The following NSMCE2 variants were observed in gnomAD, a reference collection of about 807,000 sequenced individuals.
NSMCE2 encodes NSE2 SUMO ligase component of SMC5/6 complex.
A neutral mutation model predicts 23.8 loss-of-function variants in NSMCE2; 24 were observed. The ratio of observed to expected loss-of-function variants is 1.01; its 90% CI spans 0.73 to 1.42. The LOEUF (loss-of-function observed/expected upper bound fraction) is 1.42, where lower values mean the gene tolerates loss of function less well. Among genes scored for constraint, NSMCE2 ranks in the 40% most tolerant of loss-of-function variants. The pLI is 0.00. For missense variants in NSMCE2, 284 were observed against 296.5 expected (o/e 0.96, Z 0.31); for synonymous variants, 92 against 94.1 (o/e 0.98, Z 0.13).
intron 5 of NSMCE2, among the ~76,000 whole-genome samples, chr8:125,258,643 AT>A (rs1826544807): frequency 6.6e-6 from 1 of 152,194 alleles, no homozygotes; most frequent in Admixed American, 6.5e-5. Flanking sequence ...AGAAAGTAAA[AT>A]AATAGGAAAG....
chr8:125,348,403 G>A (rs1812873748), intron 5 of NSMCE2: 1 of 152,220 alleles, frequency 6.6e-6, no homozygotes, highest in Non-Finnish European at 1.5e-5. Flanking sequence ...TCATTGTGTA[G>A]GTGCTATTTG....
chr8:125,298,279 G>A (rs558023360), intron 5 of NSMCE2, among the ~76,000 whole-genome samples: 2 of 152,210 alleles, frequency 1.3e-5, no homozygotes, highest in African/African-American at 4.8e-5. Context: ...AAATAAAATA[G>A]TGCTGACTAC....
At chr8:125,211,575 G>A (rs1824347969) in intron 5 of NSMCE2, among the ~76,000 whole-genome samples, 1 of 152,206 alleles carries the variant, frequency 6.6e-6, no homozygotes, top group South Asian at 2.1e-4. Context: ...GTCCACACAA[G>A]TAGGCCTGTA....
chr8:125,176,023 T>G (rs768257135), intron 4 of NSMCE2, among the ~76,000 whole-genome samples: 1 of 152,208 alleles, frequency 6.6e-6, no homozygotes, highest in Non-Finnish European at 1.5e-5. Flanking sequence ...TACCTTCTCC[T>G]TGCTGACATA....
chr8:125,274,065 C>T (rs774603301), intron 5 of NSMCE2, among the ~76,000 whole-genome samples: 19 of 152,138 alleles, frequency 1.2e-4, no homozygotes, highest in South Asian at 2.1e-4. Context: ...ATGATGTCAT[C>T]CTCAGAGGAC....
chr8:125,159,214 A>C (rs1273775401), intron 4 of NSMCE2, among the ~76,000 whole-genome samples: 1 of 152,204 alleles, frequency 6.6e-6, no homozygotes, highest in African/African-American at 2.4e-5. Flanking sequence ...AGTTATTGTT[A>C]ATCTCTTGCT....
intron 5 of NSMCE2, among the ~76,000 whole-genome samples, chr8:125,334,106 C>G (rs1437449501): frequency 1.3e-5 from 2 of 152,098 alleles, no homozygotes; most frequent in Admixed American, 6.5e-5. Context: ...CCTTAAAGGG[C>G]CATTGTGAGG....
At position 125,315,385 on chromosome 8, in the gene NSMCE2, G is replaced by A. The variant is rs150654394; in HGVS notation, c.419-41834G>A. ...GTGAAATGAGGTGCACTGTAGCACA[G>A]TGAGGGGCTGAGTTTTGAGTCAGAC... is the stretch of plus-strand genomic sequence containing the variant. On this transcript the variant is annotated intron_variant, in intron 5 of 7. Transcript: ENST00000287437. Among the ~76,000 whole-genome samples the A allele has an allele frequency of 7.5e-4, 115 of 152,326 alleles. No individual in the cohort carries two copies. The Middle Eastern group carries it at 0.01, about 14-fold the overall frequency.
chr8:125,311,762 G>T (rs540945274), intron 5 of NSMCE2, among the ~76,000 whole-genome samples: 1 of 152,166 alleles, frequency 6.6e-6, no homozygotes, highest in African/African-American at 2.4e-5. Context: ...TGGTGAAATA[G>T]AATCAAGAAA....
chr8:125,139,908 G>T (rs182801095), intron 3 of NSMCE2, among the ~76,000 whole-genome samples: 123 of 152,258 alleles, frequency 8.1e-4, no homozygotes, highest in African/African-American at 1.8e-3. Flanking sequence ...AATTTTCATC[G>T]TGAAACTTCC....
At chr8:125,323,000 A>G (rs1181051493) in intron 5 of NSMCE2, among the ~76,000 whole-genome samples, 1 of 152,204 alleles carries the variant, frequency 6.6e-6, no homozygotes, top group African/African-American at 2.4e-5. Flanking sequence ...CGGAGGTTGC[A>G]GTGAGCCAAG....
chr8:125,141,299 T>C (rs1421592533), intron 3 of NSMCE2, among the ~76,000 whole-genome samples: 1 of 152,180 alleles, frequency 6.6e-6, no homozygotes, highest in Non-Finnish European at 1.5e-5. Flanking sequence ...GAAGGTAATG[T>C]TTAGGAGAAT....
intron 3 of NSMCE2, among the ~76,000 whole-genome samples, chr8:125,142,648 A>G (rs1297378268): frequency 1.3e-5 from 2 of 151,568 alleles, no homozygotes; most frequent in Admixed American, 6.6e-5. Flanking sequence ...CTTGTTGCCC[A>G]TGCTGGAGGA....
intron 5 of NSMCE2, among the ~76,000 whole-genome samples, chr8:125,249,321 T>G (rs1826114880): frequency 6.6e-6 from 1 of 152,192 alleles, no homozygotes; most frequent in Non-Finnish European, 1.5e-5. Flanking sequence ...GAAATTTCAC[T>G]TAATCTGCTT....
chr8:125,283,624 G>A (rs1346195265), intron 5 of NSMCE2, among the ~76,000 whole-genome samples: 1 of 152,170 alleles, frequency 6.6e-6, no homozygotes, highest in African/African-American at 2.4e-5. Flanking sequence ...ATATCAATAA[G>A]ATCAGGATAA....
At chr8:125,216,245 T>G (rs1824576632) in intron 5 of NSMCE2, among the ~76,000 whole-genome samples, 1 of 152,392 alleles carries the variant, frequency 6.6e-6, no homozygotes, top group Non-Finnish European at 1.5e-5. Flanking sequence ...TTTCACCTTT[T>G]GGATATAATG....
intron 5 of NSMCE2, among the ~76,000 whole-genome samples, chr8:125,275,023 AATAATAATAAT>A: frequency 6.7e-6 from 1 of 149,320 alleles, no homozygotes; most frequent in African/African-American, 2.4e-5. Context: ...TAATAATAAT[AATAATAATAAT>A]AAATAGAATA....
intron 5 of NSMCE2, among the ~76,000 whole-genome samples, chr8:125,243,875 A>G (rs1422739515): frequency 1.3e-5 from 2 of 152,226 alleles, no homozygotes; most frequent in Admixed American, 6.5e-5. Context: ...CTTTTCTTCA[A>G]AGAGCAACAG....
intron 7 of NSMCE2, 75 bp downstream of exon 7, chr8:125,357,893 G>A: frequency 2.1e-6 from 2 of 972,732 alleles, no homozygotes; most frequent in Non-Finnish European, 3.3e-6. Flanking sequence ...CACGCTAGAG[G>A]AAGAGGCACT....
Sources: allele counts gnomAD v4.1 joint callset (sites outside exome capture counted in the v4.1 genomes callset), GRCh38; gene constraint gnomAD v4.1.1; transcripts MANE v1.5; gene names NCBI Gene and HGNC (gene_info 2026-07-23, HGNC 2026-07-21).